MARCO: variants seen among roughly 807,000 people sequenced by gnomAD.
MARCO encodes the protein macrophage receptor with collagenous structure.
MARCO carries 72 observed loss-of-function variants against 70.0 expected under a neutral mutation model. The observed-to-expected ratio is 1.03, with a 90% CI of 0.85 to 1.25. The LOEUF (loss-of-function observed/expected upper bound fraction) is 1.25. MARCO is among the 50% of genes most tolerant of loss of function. The pLI, the probability that MARCO is intolerant of heterozygous loss-of-function variation, is 0.00. For missense variants in MARCO, 696 were observed against 659.3 expected (o/e 1.06, Z -0.61); for synonymous variants, 273 against 243.1 (o/e 1.12, Z -1.14).
At chr2:118,991,740 GCAGGGCACCTGAT>G in intron 13 of MARCO, 24 bp from the exon 14 acceptor site, 2 of 1,349,794 alleles carry the variant, frequency 1.5e-6, no homozygotes, top group Non-Finnish European at 2.0e-6. Context: ...GGAAGGCAAA[GCAGGGCACCTGAT>G]CAGGGCAGTG....
chr2:118,963,823 G>A (rs764594250), intron 1 of MARCO, among the ~76,000 whole-genome samples: 8 of 152,004 alleles, frequency 5.3e-5, no homozygotes, highest in Admixed American at 1.3e-4. Flanking sequence ...GGCAATATCC[G>A]TCCTCTGATT....
chr2:118,986,342 C>G (rs1170026244), intron 12 of MARCO, among the ~76,000 whole-genome samples: 2 of 140,848 alleles, frequency 1.4e-5, no homozygotes, highest in African/African-American at 3.0e-5. Context: ...GCAATGTCCC[C>G]CTCTCTACAA....
intron 12 of MARCO, among the ~76,000 whole-genome samples, chr2:118,982,802 C>T (rs2104598631): frequency 6.6e-6 from 1 of 152,326 alleles, no homozygotes; most frequent in Non-Finnish European, 1.5e-5. Flanking sequence ...CCAGAAAACT[C>T]TTCTTCCACA....
rs778750279 is a variant in MARCO, at chr2:118,974,560, A to T, written c.608A>T (p.Glu203Val). Residue 203 changes from glutamate to valine, a missense_variant, in exon 6 of 17, where the codon GAG (glutamate) becomes GTG (valine). Glu to Val is a moderately radical substitution (Grantham distance 121). Around this residue, in one of 3 missense-constraint regions of MARCO, gnomAD observed 605 missense variants for 537.6 expected, o/e 1.13. Transcript: ENST00000327097. The part of the protein sequence containing the change: ...GPQGPPGVKG[E>V]AGLQGPQGAP... ...CAAGGCCCACCGGGAGTCAAGGGAG[A>T]GGCGGGTGAGTAGGTGCTGGGTATG... 5.6e-5 allele frequency: 90 copies of T among 1,612,144 alleles called. No individual in the cohort carries two copies. The highest frequency in any genetic ancestry group is 4.3e-4 in the Admixed American group (26 of 59,856).
chr2:118,949,696 G>A (rs560504475), intron 1 of MARCO: 8 of 152,250 alleles, frequency 5.3e-5, no homozygotes, highest in East Asian at 1.9e-4. Flanking sequence ...CTTGACCCAG[G>A]AACAATGGCC....
chr2:118,974,834 C>A (rs572153121), intron 6 of MARCO, among the ~76,000 whole-genome samples: 1 of 152,262 alleles, frequency 6.6e-6, no homozygotes, highest in Non-Finnish European at 1.5e-5. Flanking sequence ...CTCCTACCCC[C>A]TCCTCTGTGT....
intron 1 of MARCO, among the ~76,000 whole-genome samples, chr2:118,956,271 ATAAACT>A (rs1197867325): frequency 6.6e-6 from 1 of 152,230 alleles, no homozygotes; most frequent in Non-Finnish European, 1.5e-5. Context: ...AAGGACTCAC[ATAAACT>A]TAAAATAAAG....
At position 118,992,547 on chromosome 2, in the gene MARCO, G is replaced by T; in HGVS notation, c.1252+71G>T. 9 of 1,309,080 alleles carry T rather than the reference G, an allele frequency of 6.9e-6. No homozygotes were observed. The South Asian group carries it at 9.7e-5, about 14-fold the overall frequency. 81.1% of individuals were successfully genotyped at this position (1,309,080 alleles called of 1,614,324 possible). On this transcript the variant is annotated intron_variant, in intron 15 of 16. Coordinates refer to ENST00000327097, the MANE Select transcript of MARCO (RefSeq NM_006770.4). ...TCTGCACCTGAAAATTGTGTGTGTT[G>T]GGGGAAGAGACCTTGGTTCTCAAAT...
At chr2:118,980,877 G>C (rs1680375612) in intron 8 of MARCO, among the ~76,000 whole-genome samples, 1 of 152,192 alleles carries the variant, frequency 6.6e-6, no homozygotes, top group Non-Finnish European at 1.5e-5. Flanking sequence ...ACTCAGAAGG[G>C]GACAGGCTAG....
intron 12 of MARCO, among the ~76,000 whole-genome samples, chr2:118,987,276 T>C (rs564759315): frequency 2.0e-5 from 3 of 152,332 alleles, no homozygotes; most frequent in South Asian, 4.1e-4. Context: ...TTTTACAACA[T>C]GCAGCTCTAG....
chr2:118,948,186 C>A (rs1429748896), intron 1 of MARCO, among the ~76,000 whole-genome samples: 1 of 152,192 alleles, frequency 6.6e-6, no homozygotes, highest in Non-Finnish European at 1.5e-5. Flanking sequence ...TTACTTTCTG[C>A]AGAAAGGGTG....
At chr2:118,986,688 A>AGAAAGAAGGAAGGAAGGAAGGAAG in intron 12 of MARCO, among the ~76,000 whole-genome samples, 1 of 80,412 alleles carries the variant, frequency 1.2e-5, no homozygotes, top group South Asian at 5.0e-4. Flanking sequence ...AAAGAAAGAA[A>AGAAAGAAGGAAGGAAGGAAGGAAG]GAAAGAAAGA....
rs1241195349 is a variant in MARCO at position 118,949,408 on chromosome 2, C to T, written c.97+7011C>T. 3 of 152,276 alleles carry T rather than the reference C, an allele frequency of 2.0e-5. No homozygotes were observed. The East Asian group carries it at 5.8e-4, about 29-fold the overall frequency. The allele number at this position is 152,276 out of a possible 1,614,324, so 9.4% of individuals were successfully genotyped here. Reference sequence around the variant, plus strand: ...TGCCATAGGTCTCCTATTTCTACTACTGAGACCTTGCTTTTGTCATTTGGC... The same window carrying T: ...TGCCATAGGTCTCCTATTTCTACTATTGAGACCTTGCTTTTGTCATTTGGC... On this transcript the variant is annotated intron_variant, in intron 1 of 16. Coordinates refer to ENST00000327097, the MANE Select transcript of MARCO (RefSeq NM_006770.4).
Position 118,974,442 on chromosome 2 carries a change from T to A in MARCO, c.568+2T>A, listed in dbSNP as rs1379840033. 1.2e-6 allele frequency: 2 copies of A among 1,612,482 alleles called. No homozygotes were observed. Among genetic ancestry groups the A allele is most frequent in the South Asian group, 2.2e-5 (2 of 90,682 alleles). On this transcript the variant is annotated splice_donor_variant, in intron 5 of 16. Coordinates refer to ENST00000327097, the MANE Select transcript of MARCO (RefSeq NM_006770.4). LOFTEE classifies it high-confidence loss of function. Reference sequence around the variant, plus strand: ...CTATGGGACGAGATGGAGCAACAGGTACGGGTCTTTTTCTTCTGACCCTTA... The same window carrying A: ...CTATGGGACGAGATGGAGCAACAGGAACGGGTCTTTTTCTTCTGACCCTTA...
chr2:118,966,218 T>G (rs948435405), intron 1 of MARCO, among the ~76,000 whole-genome samples: 2 of 152,352 alleles, frequency 1.3e-5, no homozygotes, highest in East Asian at 3.9e-4. Flanking sequence ...AGCTATGTTT[T>G]CATTGTGGGC....
intron 1 of MARCO, among the ~76,000 whole-genome samples, chr2:118,957,350 A>G (rs1679856541): frequency 6.6e-6 from 1 of 152,152 alleles, no homozygotes; most frequent in South Asian, 2.1e-4. Context: ...CAAGGCTACT[A>G]TGAATAATAC....
At chr2:118,953,252 C>T (rs1421796986) in intron 1 of MARCO, among the ~76,000 whole-genome samples, 13 of 152,338 alleles carry the variant, frequency 8.5e-5, no homozygotes, top group African/African-American at 2.9e-4. Flanking sequence ...TCAACAGTTA[C>T]ATAGGCTAGG....
chr2:118,944,814 ACTGTACC>A (rs1315545095), intron 1 of MARCO: 1 of 152,164 alleles, frequency 6.6e-6, no homozygotes, highest in East Asian at 1.9e-4. Flanking sequence ...TAAATTTCAC[ACTGTACC>A]CTCTAGAAGC....
At chr2:118,968,052 G>T (rs755686460) in intron 1 of MARCO, among the ~76,000 whole-genome samples, 4 of 152,196 alleles carry the variant, frequency 2.6e-5, no homozygotes, top group Non-Finnish European at 5.9e-5. Context: ...CTGTAAAGGA[G>T]TGTAACCATG....
Sources: allele counts gnomAD v4.1 joint callset (sites outside exome capture counted in the v4.1 genomes callset), GRCh38; gene constraint gnomAD v4.1.1; regional missense constraint gnomAD v4.1.1; transcripts MANE v1.5; gene names NCBI Gene and HGNC (gene_info 2026-07-23, HGNC 2026-07-21).